Variants in ANKRD24 observed in about 807,000 individuals in gnomAD.
ANKRD24 encodes ankyrin repeat domain 24, also known as ankyrin repeat domain-containing protein 24.
A neutral mutation model predicts 127.8 loss-of-function variants in ANKRD24; 109 were observed. The ratio of observed to expected loss-of-function variants is 0.85; its 90% CI spans 0.73 to 1.00. The LOEUF (loss-of-function observed/expected upper bound fraction) is 1.00. Ranked by LOEUF, ANKRD24 falls within the 50% of genes least tolerant of loss-of-function variation. ANKRD24 has a pLI of 0.00. For missense variants in ANKRD24, 1,648 were observed against 1,570.2 expected, an observed-to-expected ratio of 1.05 and a Z score of -0.84; for synonymous variants, 743 against 671.1, an observed-to-expected ratio of 1.11 and a Z score of -1.66.
rs1248121348 is a variant in ANKRD24, at chr19:4,195,595, T to C, written c.37-4088T>C. On this transcript the variant is annotated intron_variant, in intron 2 of 21. Transcript: ENST00000318934. The surrounding 1 kb of genome is among the most constrained non-coding windows in gnomAD (Gnocchi z 4.2). ...CCTTGGTTCCCACTCCTCCCTCCTC[T>C]TGTCCAAACATGTCTAAGAGGGCCG... Among the ~76,000 whole-genome samples, 12 of 152,264 alleles carry C rather than the reference T, an allele frequency of 7.9e-5. No individual in the cohort carries two copies. In the South Asian group the frequency reaches 2.1e-3, roughly 26 times the overall value.
intron 2 of ANKRD24, among the ~76,000 whole-genome samples, chr19:4,193,656 G>C (rs931477548): frequency 4.0e-4 from 61 of 151,786 alleles, no homozygotes; most frequent in Non-Finnish European, 5.9e-4. Flanking sequence ...TGTCAACATG[G>C]TGATACCCCG....
rs1447419673 is a variant in ANKRD24, at chr19:4,216,055, GC to G, written c.1270+10del. 1.3e-6 allele frequency: 2 copies of G among 1,591,272 alleles called. No homozygotes were observed. The highest frequency in any genetic ancestry group is 1.8e-5 in the Admixed American group (1 of 56,748). The stretch of plus-strand genomic sequence containing the variant: ...GTGAGCTGCCTGACCTTCCAGGTGA[GC>G]CCCCACCTCCCCACGCACTCCCAGC... On this transcript the variant is annotated splice_donor_region_variant and intron_variant, in intron 16 of 21. Transcript: ENST00000318934.
intron 19 of ANKRD24, among the ~76,000 whole-genome samples, chr19:4,220,445 C>T (rs963868299): frequency 2.6e-5 from 4 of 152,160 alleles, no homozygotes; most frequent in Admixed American, 6.5e-5. Flanking sequence ...AGTCTTTCAG[C>T]TGGGTTTGTA....
chr19:4,182,996 T>TGTGTGTGTGTGTGTGA (rs1271437508), intron 1 of ANKRD24, among the ~76,000 whole-genome samples: 1 of 151,738 alleles, frequency 6.6e-6, no homozygotes, highest in Non-Finnish European at 1.5e-5. Flanking sequence ...TGTGTGTGTG[T>TGTGTGTGTGTGTGTGA]GTGACGGAGC....
chr19:4,216,086 T>A, intron 16 of ANKRD24, 36 bp downstream of exon 16: 1 of 1,558,264 alleles, frequency 6.4e-7, no homozygotes, highest in Non-Finnish European at 8.7e-7. Context: ...CCCAGCCGCC[T>A]TGTCCCCTGG....
rs990907396 is a variant in ANKRD24 at position 4,198,739 on chromosome 19, AAG to A, written c.37-942_37-941del. On this transcript the variant is annotated intron_variant, in intron 2 of 21. Coordinates refer to ENST00000318934, the MANE Select transcript of ANKRD24 (RefSeq NM_001393985.1). The surrounding 1 kb of genome is among the most constrained non-coding windows in gnomAD (Gnocchi z 6.1). ...GGGGAGACATGTGGACACGTTTTGG[AAG>A]ACTCTTTGAAACAAATGGGGACATT... Among the ~76,000 whole-genome samples the A allele has an allele frequency of 6.6e-6, 1 of 151,840 alleles. No homozygotes were observed. Among genetic ancestry groups the A allele is most frequent in the African/African-American group, 2.4e-5 (1 of 41,150 alleles).
At position 4,216,039 on chromosome 19, in the gene ANKRD24, C is replaced by T. The variant is rs1410560947; in HGVS notation, c.1259C>T (p.Pro420Leu). 6.9e-6 allele frequency: 11 copies of T among 1,598,500 alleles called. No homozygotes were observed. In the South Asian group the frequency reaches 1.1e-4, roughly 16 times the overall value. The change falls in exon 16 of 22, where the codon CCT becomes CTT. Residue 420 changes from proline (P) to leucine (L), a missense_variant. Physicochemically the swap from Pro to Leu is moderately conservative, Grantham distance 98. Coordinates refer to ENST00000318934, the MANE Select transcript of ANKRD24 (RefSeq NM_001393985.1). ...CTGCAGGATGAGGAGGGTGAGCTGC[C>T]TGACCTTCCAGGTGAGCCCCCACCT... The part of the protein sequence containing the change: ...TTLQDEEGEL[P>L]DLPGAEVLLS...
Position 4,217,083 on chromosome 19 carries a change from G to T in ANKRD24, c.1923G>T (p.Glu641Asp). The T allele has an allele frequency of 6.2e-7, 1 of 1,613,834 alleles. No individual in the cohort carries two copies. The highest frequency in any genetic ancestry group is 1.1e-5 in the South Asian group (1 of 91,062). ...ETTGVEAMGV[E>D]ATKTKAEEAE... is the part of the protein sequence containing the mutation. ...CGGGAGTGGAGGCCATGGGGGTGGA[G>T]GCCACAAAAACAAAAGCAGAGGAAG... is the stretch of plus-strand genomic sequence containing the variant. Residue 641 changes from glutamate (E) to aspartate (D), a missense_variant, in exon 18 of 22, where the codon GAG becomes GAT. Glu to Asp is a conservative substitution (Grantham distance 45). Coordinates refer to ENST00000318934, the MANE Select transcript of ANKRD24 (RefSeq NM_001393985.1).
chr19:4,216,915 G>A lies in ANKRD24; in HGVS notation c.1755G>A (p.Glu585=). The A allele has an allele frequency of 6.2e-7, 1 of 1,610,198 alleles. No individual in the cohort carries two copies. Among genetic ancestry groups the A allele is most frequent in the Non-Finnish European group, 8.5e-7 (1 of 1,178,106 alleles). ...RTMEAEATGA[E]ATGAEATGAK... ...TGGAAGCTGAGGCCACGGGAGCCGA[G>A]GCCACGGGAGCTGAGGCCACAGGAG... Residue 585 remains glutamate (E), a synonymous_variant, in exon 18 of 22, where the codon GAG becomes GAA. Coordinates refer to ENST00000318934, the MANE Select transcript of ANKRD24 (RefSeq NM_001393985.1).
At chr19:4,201,756 A>C (rs1029179559) in intron 5 of ANKRD24, among the ~76,000 whole-genome samples, 5 of 152,038 alleles carry the variant, frequency 3.3e-5, no homozygotes, top group Admixed American at 6.6e-5. Flanking sequence ...ACATGGTGGC[A>C]CTTGCTTGTA....
chr19:4,186,894 G>T (rs1968096374), intron 2 of ANKRD24, among the ~76,000 whole-genome samples: 1 of 152,200 alleles, frequency 6.6e-6, no homozygotes, highest in South Asian at 2.1e-4. Context: ...ATCAGCCAGG[G>T]AATAGGGCAG....
At chr19:4,183,240 A>G in intron 1 of ANKRD24, 1 of 925,288 alleles carries the variant, frequency 1.1e-6, no homozygotes, top group Non-Finnish European at 1.3e-6. Flanking sequence ...TCGGCCTCCC[A>G]AAGTGCTGGG....
chr19:4,222,622 C>A, intron 19 of ANKRD24, 48 bp from the exon 20 acceptor site: 1 of 1,531,506 alleles, frequency 6.5e-7, no homozygotes, highest in Middle Eastern at 1.8e-4. Context: ...GGTCCTCAGC[C>A]CCCAGCTCTG....
Position 4,218,008 on chromosome 19 carries a change from C to A in ANKRD24, c.2848C>A (p.Leu950Met). ...VVATGKEAAR[L>M]RAELERERVC... is the part of the protein sequence containing the mutation. ...GGCCACGGGCAAGGAGGCCGCCCGG[C>A]TGCGCGCGGAGCTGGAGCGGGAGCG... is the stretch of plus-strand genomic sequence containing the variant. Residue 950 changes from leucine to methionine, a missense_variant, in exon 18 of 22, where the codon CTG becomes ATG. By Grantham distance (15) the Leu-to-Met change is conservative. Coordinates refer to ENST00000318934, the MANE Select transcript of ANKRD24 (RefSeq NM_001393985.1). The A allele has an allele frequency of 6.5e-7, 1 of 1,543,116 alleles. No homozygotes were observed. The highest frequency in any genetic ancestry group is 8.7e-7 in the Non-Finnish European group (1 of 1,151,984).
chr19:4,222,094 G>A (rs1970471591), intron 19 of ANKRD24, among the ~76,000 whole-genome samples: 1 of 152,214 alleles, frequency 6.6e-6, no homozygotes, highest in Non-Finnish European at 1.5e-5. Context: ...CAACTACTAA[G>A]TTAAGAACTA....
chr19:4,215,192 T>G (rs1969986354), intron 15 of ANKRD24, among the ~76,000 whole-genome samples: 1 of 152,038 alleles, frequency 6.6e-6, no homozygotes, highest in Non-Finnish European at 1.5e-5. Context: ...AACAACCTAG[T>G]TTTAAAAATG....
At chr19:4,218,285 T>C in intron 18 of ANKRD24, 122 bp downstream of exon 18, 1 of 595,654 alleles carries the variant, frequency 1.7e-6, no homozygotes, top group Non-Finnish European at 2.4e-6. Flanking sequence ...CTACTTTATT[T>C]TATTTATTTA....
Position 4,199,911 on chromosome 19 carries a change from C to A in ANKRD24, c.160C>A (p.Gln54Lys), listed in dbSNP as rs1362412298. Residue 54 changes from glutamine (Q) to lysine (K), a missense_variant, in exon 4 of 22, where the codon CAA (glutamine) becomes AAA (lysine). Transcript: ENST00000318934. This position sits in a 1 kb window ranked among gnomAD's most constrained non-coding sequence, Gnocchi z 5.2. ...GGGCAAGAGTGACGAGAGGCTGCTA[C>A]AAGCCGTGGAAAACAACGATGCACC... ...DWGKSDERLL[Q>K]AVENNDAPRV... is the part of the protein sequence containing the mutation. 6 of 1,570,246 alleles carry A rather than the reference C, an allele frequency of 3.8e-6. No homozygotes were observed. In the South Asian group the frequency reaches 7.0e-5, roughly 18 times the overall value.
At position 4,216,570 on chromosome 19, in the gene ANKRD24, G is replaced by C. The variant is rs200338513; in HGVS notation, c.1410G>C (p.Lys470Asn). 348 of 1,610,096 alleles carry C rather than the reference G, an allele frequency of 2.2e-4. No individual in the cohort carries two copies. Among genetic ancestry groups the C allele is most frequent in the Admixed American group, 1.0e-4 (6 of 59,504 alleles). Residue 470 changes from lysine (K) to asparagine (N), a missense_variant, in exon 18 of 22, where the codon AAG becomes AAC. Physicochemically the swap from Lys to Asn is moderately conservative, Grantham distance 94. Transcript: ENST00000318934. The stretch of plus-strand genomic sequence containing the variant: ...CCCAGATCCTGGAGAACTTTGAGAA[G>C]GACGAGACACAGATGGAAGTGGAAG... Reference protein sequence around the residue: ...EKVQILENFEKDETQMEVEAL... With the variant: ...EKVQILENFENDETQMEVEAL...
Sources: gnomAD v4.1 joint callset for allele counts (sites outside exome capture counted in the v4.1 genomes callset) on GRCh38, gnomAD v4.1.1 for gene constraint, Gnocchi (gnomAD v3.1) non-coding constraint, MANE v1.5 for transcripts, NCBI Gene and HGNC (gene_info 2026-07-23, HGNC 2026-07-21) for gene names.